Variants in SHISA9 observed in about 807,000 individuals in gnomAD.
SHISA9 encodes the protein shisa family member 9, also known as protein shisa-9.
Under a neutral mutation model 38.0 loss-of-function variants are expected in SHISA9, and 13 were observed. That is an observed-to-expected ratio of 0.34 (90% CI 0.22 to 0.54). The LOEUF is 0.54. SHISA9 is among the 20% of genes least tolerant of loss of function. The pLI is 0.91. For synonymous variants in SHISA9, 275 were observed against 242.0 expected (o/e 1.14, Z -1.27); for missense variants, 538 against 575.8 (o/e 0.93, Z 0.67).
the SHISA9 span, among the ~76,000 whole-genome samples, chr16:13,391,930 G>A: frequency 1.9e-3 from 293 of 152,278 alleles, 1 homozygote; most frequent in African/African-American, 6.6e-3. Context: ...TTCTTCAAAA[G>A]TGACTACCTC....
At chr16:13,009,696 C>T (rs538092636) in intron 2 of SHISA9, among the ~76,000 whole-genome samples, 1 of 152,280 alleles carries the variant, frequency 6.6e-6, no homozygotes, top group Admixed American at 6.5e-5. Context: ...TCCCAGAAGT[C>T]TCATATCCAA....
At chr16:13,162,845 T>C (rs2050607086) in intron 2 of SHISA9, among the ~76,000 whole-genome samples, 1 of 151,726 alleles carries the variant, frequency 6.6e-6, no homozygotes. Flanking sequence ...AAAAAACCGA[T>C]ACAAGAAACA....
intron 2 of SHISA9, among the ~76,000 whole-genome samples, chr16:13,122,801 C>T (rs1453261432): frequency 6.6e-6 from 1 of 152,196 alleles, no homozygotes. Context: ...AATCCTAGCA[C>T]TTTGGGAGGC....
intron 2 of SHISA9, among the ~76,000 whole-genome samples, chr16:13,038,622 T>C (rs2073100466): frequency 1.3e-5 from 2 of 152,190 alleles, no homozygotes; most frequent in Non-Finnish European, 2.9e-5. Flanking sequence ...AACCTCCAGA[T>C]TTCAGCTCAA....
intron 2 of SHISA9, among the ~76,000 whole-genome samples, chr16:13,175,133 A>G (rs1457529569): frequency 2.0e-5 from 3 of 152,100 alleles, no homozygotes; most frequent in Admixed American, 6.5e-5. Flanking sequence ...TTGGAAGACC[A>G]AGGCAGGAGG....
the SHISA9 span, among the ~76,000 whole-genome samples, chr16:13,309,798 A>G: frequency 6.6e-6 from 1 of 152,114 alleles, no homozygotes; most frequent in African/African-American, 2.4e-5. Flanking sequence ...TGGGAACACT[A>G]GACCAAACCT....
the SHISA9 span, among the ~76,000 whole-genome samples, chr16:13,451,485 T>C: frequency 2.0e-5 from 3 of 152,178 alleles, no homozygotes; most frequent in Non-Finnish European, 4.4e-5. Flanking sequence ...CCAGGAAAGA[T>C]CCAAGATGCT....
rs948008688 is a variant in SHISA9, at chr16:13,239,025, C to T, written c.*3616C>T. Reference sequence around the variant, plus strand: ...AACAGTCCCCAGAGTGTGATGTTCCCCTTCTTGTGTCCATGTGTTCTCATT... The same window carrying T: ...AACAGTCCCCAGAGTGTGATGTTCCTCTTCTTGTGTCCATGTGTTCTCATT... On this transcript the variant is annotated 3_prime_UTR_variant, in exon 5 of 5. Transcript: ENST00000558583. The T allele has an allele frequency of 4.6e-5, 6 of 129,612 alleles. No individual in the cohort carries two copies. Among genetic ancestry groups the T allele is most frequent in the African/African-American group, 1.7e-4 (6 of 34,934 alleles). 8.0% of individuals were successfully genotyped at this position (129,612 alleles called of 1,614,324 possible).
the SHISA9 span, among the ~76,000 whole-genome samples, chr16:13,512,978 G>T: frequency 6.6e-6 from 1 of 152,158 alleles, no homozygotes; most frequent in Non-Finnish European, 1.5e-5. Context: ...AACACCAAAA[G>T]CAATTGCAAC....
At chr16:13,137,450 C>G (rs1229861440) in intron 2 of SHISA9, among the ~76,000 whole-genome samples, 1 of 151,576 alleles carries the variant, frequency 6.6e-6, no homozygotes, top group Non-Finnish European at 1.5e-5. Flanking sequence ...AACGGAGGAT[C>G]TAATCTTTTT....
the SHISA9 span, among the ~76,000 whole-genome samples, chr16:13,297,482 G>C: frequency 6.6e-6 from 1 of 152,160 alleles, no homozygotes; most frequent in Non-Finnish European, 1.5e-5. Flanking sequence ...GAGAGTGCCT[G>C]GGGTTGAGAC....
At chr16:13,224,832 T>C (rs1441948651) in intron 4 of SHISA9, among the ~76,000 whole-genome samples, 2 of 152,126 alleles carry the variant, frequency 1.3e-5, no homozygotes, top group African/African-American at 2.4e-5. Flanking sequence ...TGACAAGTAG[T>C]ATTTAGGCAG....
chr16:12,930,019 C>G (rs1025688267), intron 2 of SHISA9, among the ~76,000 whole-genome samples: 11 of 152,120 alleles, frequency 7.2e-5, no homozygotes, highest in African/African-American at 2.2e-4. Context: ...TCATCCTTCT[C>G]TATTAGGTCA....
chr16:13,017,850 C>T (rs1270154599), intron 2 of SHISA9, among the ~76,000 whole-genome samples: 3 of 152,314 alleles, frequency 2.0e-5, no homozygotes, highest in East Asian at 3.9e-4. Context: ...CTAGTTCATG[C>T]ATTCAATCCA....
the SHISA9 span, among the ~76,000 whole-genome samples, chr16:13,264,910 C>T: frequency 6.6e-6 from 1 of 151,842 alleles, no homozygotes; most frequent in Non-Finnish European, 1.5e-5. Context: ...CCTTTCCCCT[C>T]GCCTTTCTCC....
the SHISA9 span, among the ~76,000 whole-genome samples, chr16:13,248,770 C>T: frequency 6.6e-6 from 1 of 152,074 alleles, no homozygotes; most frequent in Non-Finnish European, 1.5e-5. Context: ...CCCCAGAAAG[C>T]GATCCTGAGA....
chr16:13,143,024 A>ATTTT (rs1567226044), intron 2 of SHISA9, among the ~76,000 whole-genome samples: 1 of 151,380 alleles, frequency 6.6e-6, no homozygotes, highest in African/African-American at 2.4e-5. Flanking sequence ...ATTTTATTTT[A>ATTTT]AGACAGAGTT....
the SHISA9 span, among the ~76,000 whole-genome samples, chr16:13,545,618 C>T: frequency 3.9e-5 from 6 of 152,252 alleles, no homozygotes; most frequent in South Asian, 4.1e-4. Context: ...GAAATAGTTC[C>T]CTCTCTCTTC....
At chr16:13,329,900 T>A in the SHISA9 span, among the ~76,000 whole-genome samples, 1 of 152,224 alleles carries the variant, frequency 6.6e-6, no homozygotes, top group South Asian at 2.1e-4. Flanking sequence ...AGCTCTGAAA[T>A]CATGCAGTTC....
Sources: allele counts gnomAD v4.1 joint callset (sites outside exome capture counted in the v4.1 genomes callset), GRCh38; gene constraint gnomAD v4.1.1; transcripts MANE v1.5; gene names NCBI Gene and HGNC (gene_info 2026-07-23, HGNC 2026-07-21).